Variants in PXN observed in about 807,000 individuals in gnomAD.
PXN encodes paxillin, also known as testicular tissue protein Li 134.
Under a neutral mutation model 103.6 loss-of-function variants are expected in PXN, and 61 were observed. That is an observed-to-expected ratio of 0.59 (90% confidence interval 0.48 to 0.73). The LOEUF is 0.73. PXN is among the 30% of genes least tolerant of loss of function. The pLI is 0.00. For missense variants in PXN, 1,274 were observed against 1,460.3 expected (o/e 0.87, Z 2.08); for synonymous variants, 562 against 607.8 (o/e 0.92, Z 1.11).
chr12:120,223,292 G>A (rs1414716453), intron 3 of PXN, among the ~76,000 whole-genome samples: 2 of 152,070 alleles, frequency 1.3e-5, no homozygotes, highest in African/African-American at 4.8e-5. Flanking sequence ...AAATTAGCCA[G>A]GCGTGGTGGT....
chr12:120,215,500 C>T lies in PXN; in HGVS notation c.2403+60G>A. On this transcript the variant is annotated intron_variant, in intron 10 of 14. Transcript: ENST00000637617. The surrounding 1 kb of genome is among the most constrained non-coding windows in gnomAD (Gnocchi z 4.9). ...GGAAAGGCTGAGGGCACCCAGCAGG[C>T]ATGGCCAAGCCCAGGGAGAGCACGA... The T allele has an allele frequency of 5.3e-6, 8 of 1,518,814 alleles. No individual in the cohort carries two copies. Among genetic ancestry groups the T allele is most frequent in the Non-Finnish European group, 5.3e-6 (6 of 1,136,708 alleles). The allele number at this position is 1,518,814 out of a possible 1,614,324, so 94.1% of individuals were successfully genotyped here.
Position 120,214,814 on chromosome 12 carries a change from G to A in PXN, c.2748+11C>T. 6.2e-7 allele frequency: 1 copy of A among 1,613,566 alleles called. No homozygotes were observed. The highest frequency in any genetic ancestry group is 8.5e-7 in the Non-Finnish European group (1 of 1,179,538). On this transcript the variant is annotated intron_variant, in intron 12 of 14. Transcript: ENST00000637617. The surrounding 1 kb of genome is among the most constrained non-coding windows in gnomAD (Gnocchi z 5.0). ...AGCGGAAGCGGGCGCGGTGCCGGAT[G>A]AGGAACTCACATCCAGGATGGGGCC...
chr12:120,250,575 G>A (rs1030020334), intron 1 of PXN, among the ~76,000 whole-genome samples: 5 of 152,094 alleles, frequency 3.3e-5, no homozygotes, highest in African/African-American at 4.8e-5. Flanking sequence ...TTAGATGAGC[G>A]ATTAGTATAA....
chr12:120,223,581 C>T (rs948225455), intron 3 of PXN, 137 bp downstream of exon 3: 12 of 623,116 alleles, frequency 1.9e-5, no homozygotes, highest in African/African-American at 3.7e-5. Context: ...GACAGGCCTT[C>T]TGCAGCTTAA....
chr12:120,250,214 C>T, intron 1 of PXN: 5 of 980,990 alleles, frequency 5.1e-6, no homozygotes, highest in Non-Finnish European at 6.1e-6. Context: ...CCCATTTCCA[C>T]CTAAGGAAGA....
chr12:120,253,919 C>T (rs1892597370), intron 1 of PXN, among the ~76,000 whole-genome samples: 1 of 152,142 alleles, frequency 6.6e-6, no homozygotes, highest in African/African-American at 2.4e-5. Flanking sequence ...CTTTCTCTGT[C>T]ACCCAAGCTG....
At position 120,246,156 on chromosome 12, in the gene PXN, G is replaced by A. The variant is rs533009279; in HGVS notation, c.13+19461C>T. ...AATCCCAGCGCATTGGGAGGCCAAA[G>A]CAGGAGGATTGCTTGAGGCCAGGAG... On this transcript the variant is annotated intron_variant, in intron 1 of 14. Transcript: ENST00000637617. Among the ~76,000 whole-genome samples, 23 of 151,370 alleles carry A rather than the reference G, an allele frequency of 1.5e-4. No homozygotes were observed. In the East Asian group the frequency reaches 4.2e-3, roughly 28 times the overall value.
At chr12:120,230,805 A>G (rs1887876982) in intron 1 of PXN, among the ~76,000 whole-genome samples, 1 of 151,908 alleles carries the variant, frequency 6.6e-6, no homozygotes, top group Non-Finnish European at 1.5e-5. Flanking sequence ...CCAATCCACA[A>G]TTAGGCCAGA....
chr12:120,235,813 C>T (rs1000837795), intron 1 of PXN, among the ~76,000 whole-genome samples: 1 of 152,318 alleles, frequency 6.6e-6, no homozygotes, highest in African/African-American at 2.4e-5. Flanking sequence ...GGTCGACGCG[C>T]ACAAGTGTTT....
chr12:120,250,205 C>G, intron 1 of PXN: 1 of 982,482 alleles, frequency 1.0e-6, no homozygotes, highest in South Asian at 4.7e-5. Context: ...TTGGACACTC[C>G]CATTTCCACC....
In PXN at chr12:120,213,935, G is replaced by T; in HGVS notation, c.2886C>A (p.Phe962Leu). Residue 962 changes from phenylalanine (F) to leucine (L), a missense_variant, in exon 14 of 15, where the codon TTC (phenylalanine) becomes TTA (leucine). Physicochemically the swap from Phe to Leu is conservative, Grantham distance 22. Transcript: ENST00000637617. This position sits in a 1 kb window ranked among gnomAD's most constrained non-coding sequence, Gnocchi z 4.2. ...AYCRKDYFDM[F>L]APKCGGCARA... The stretch of plus-strand genomic sequence containing the variant: ...GGGCGCAGCCGCCACACTTGGGTGC[G>T]AACATGTCGAAGTAGTCCTTGCGAC... 6.2e-7 allele frequency: 1 copy of T among 1,612,348 alleles called. No homozygotes were observed. Among genetic ancestry groups the T allele is most frequent in the South Asian group, 1.1e-5 (1 of 90,550 alleles).
chr12:120,240,578 A>G (rs1151824), intron 1 of PXN, among the ~76,000 whole-genome samples: 41,722 of 152,060 alleles, frequency 0.27, 8,405 homozygotes, highest in East Asian at 0.57. Flanking sequence ...GTCACCAAGC[A>G]GATGCATCTG....
In PXN at chr12:120,222,603, C is replaced by T. The variant is rs771986521; in HGVS notation, c.641G>A (p.Arg214Gln). ...RNGGRGLEDV[R>Q]PSVESLLDEL... ...ATCCAAGAGACTCTCCACACTGGGC[C>T]GCACGTCCTCCAGGCCCCGGCCCCC... is the stretch of plus-strand genomic sequence containing the variant. Residue 214 changes from arginine (R) to glutamine (Q), a missense_variant, in exon 5 of 15, where the codon CGG becomes CAG. Around this residue, in one of 2 missense-constraint regions of PXN, gnomAD observed 1,178 missense variants for 1,309.0 expected, o/e 0.90. Coordinates refer to ENST00000637617, the MANE Select transcript of PXN (RefSeq NM_001385981.1). This position sits in a 1 kb window ranked among gnomAD's most constrained non-coding sequence, Gnocchi z 4.7. 1.4e-5 allele frequency: 22 copies of T among 1,609,192 alleles called. No individual in the cohort carries two copies. The South Asian group carries it at 1.6e-4, about 11-fold the overall frequency.
At chr12:120,245,743 G>C (rs1321920434) in intron 1 of PXN, among the ~76,000 whole-genome samples, 1 of 141,336 alleles carries the variant, frequency 7.1e-6, no homozygotes, top group East Asian at 2.1e-4. Flanking sequence ...AGCCGAGATC[G>C]CACGACTGCA....
chr12:120,230,467 T>A (rs901219166), intron 1 of PXN, among the ~76,000 whole-genome samples: 21 of 152,198 alleles, frequency 1.4e-4, no homozygotes, highest in Non-Finnish European at 2.9e-4. Flanking sequence ...TCCTTACAGT[T>A]GCCCACGCTC....
chr12:120,222,636 T>C lies in PXN; in HGVS notation c.608A>G (p.Lys203Arg). 1 of 1,609,736 alleles carries C rather than the reference T, an allele frequency of 6.2e-7. No individual in the cohort carries two copies. The change falls in exon 5 of 15, where the codon AAG (lysine) becomes AGG (arginine). Residue 203 changes from lysine to arginine, a missense_variant. Physicochemically the swap from Lys to Arg is conservative, Grantham distance 26. Around this residue, in one of 2 missense-constraint regions of PXN, gnomAD observed 1,178 missense variants for 1,309.0 expected, o/e 0.90. Transcript: ENST00000637617. The surrounding 1 kb of genome is among the most constrained non-coding windows in gnomAD (Gnocchi z 4.7). ...KAGPLTKEKPKRNGGRGLEDV... is the reference protein window; with the variant it reads ...KAGPLTKEKPRRNGGRGLEDV... ...CTCCAGGCCCCGGCCCCCATTCCGCTTAGGCTTCTCTTTCGTCAGGGGCCC... is the reference window on the plus strand; with the variant it reads ...CTCCAGGCCCCGGCCCCCATTCCGCCTAGGCTTCTCTTTCGTCAGGGGCCC...
chr12:120,253,133 T>C (rs1394979421), intron 1 of PXN, among the ~76,000 whole-genome samples: 2 of 152,152 alleles, frequency 1.3e-5, no homozygotes, highest in Middle Eastern at 6.3e-3. Flanking sequence ...AGACCAAATC[T>C]GACCCGTAGA....
intron 1 of PXN, among the ~76,000 whole-genome samples, chr12:120,248,537 CACACCAG>C: frequency 6.8e-6 from 1 of 146,540 alleles, no homozygotes; most frequent in African/African-American, 2.5e-5. Flanking sequence ...CACACACACA[CACACCAG>C]ACTGTCCCCT....
chr12:120,255,500 C>T (rs1435826463), intron 1 of PXN, among the ~76,000 whole-genome samples: 1 of 152,126 alleles, frequency 6.6e-6, no homozygotes, highest in Non-Finnish European at 1.5e-5. Context: ...TCAAGACCAG[C>T]CTGGCCACTA....
Sources: allele counts gnomAD v4.1 joint callset (sites outside exome capture counted in the v4.1 genomes callset), GRCh38; gene constraint gnomAD v4.1.1; regional missense constraint gnomAD v4.1.1; non-coding constraint Gnocchi (gnomAD v3.1); transcripts MANE v1.5; gene names NCBI Gene and HGNC (gene_info 2026-07-23, HGNC 2026-07-21).